Variants in HEATR6 observed in about 807,000 individuals in gnomAD.
HEATR6 encodes HEAT repeat containing 6.
A neutral mutation model predicts 132.8 loss-of-function variants in HEATR6; 106 were observed. That is an observed-to-expected ratio of 0.80 (90% CI 0.68 to 0.94). HEATR6 has a LOEUF of 0.94. HEATR6 is among the 40% of genes least tolerant of loss of function. The pLI, the probability that HEATR6 is intolerant of heterozygous loss-of-function variation, is 0.00. For synonymous variants in HEATR6, 529 were observed against 537.8 expected, an observed-to-expected ratio of 0.98 and a Z score of 0.23; for missense variants, 1,339 against 1,425.1, an observed-to-expected ratio of 0.94 and a Z score of 0.97.
chr17:60,075,040 G>A (rs1273693142), intron 2 of HEATR6, among the ~76,000 whole-genome samples: 1 of 152,206 alleles, frequency 6.6e-6, no homozygotes, highest in Non-Finnish European at 1.5e-5. Flanking sequence ...TTAAAGACTG[G>A]TTTAGAGAGG....
chr17:60,051,372 A>G (rs1906571100), intron 14 of HEATR6, among the ~76,000 whole-genome samples: 1 of 152,246 alleles, frequency 6.6e-6, no homozygotes, highest in African/African-American at 2.4e-5. Flanking sequence ...GGTCTGTAGC[A>G]TTATTCCTAC....
chr17:60,046,626 A>G (rs1192271451), intron 18 of HEATR6, among the ~76,000 whole-genome samples: 1 of 152,100 alleles, frequency 6.6e-6, no homozygotes, highest in African/African-American at 2.4e-5. Flanking sequence ...CATCAGAATC[A>G]TTTGGGGAGG....
rs768237526 is a variant in HEATR6, at chr17:60,050,831, C to T, written c.2424+12G>A. On this transcript the variant is annotated intron_variant, in intron 15 of 19. Coordinates refer to ENST00000184956, the MANE Select transcript of HEATR6 (RefSeq NM_022070.5). ...GCCATGATTTAAGGGTGAGAAAACACCCTCACATTACCGGCAGATTGCTGA... is the reference window on the plus strand; with the variant it reads ...GCCATGATTTAAGGGTGAGAAAACATCCTCACATTACCGGCAGATTGCTGA... 6.2e-7 allele frequency: 1 copy of T among 1,614,012 alleles called. No homozygotes were observed. The highest frequency in any genetic ancestry group is 1.1e-5 in the South Asian group (1 of 91,064).
chr17:60,065,285 G>A (rs146656575), intron 9 of HEATR6, among the ~76,000 whole-genome samples: 2,590 of 152,218 alleles, frequency 0.017, 42 homozygotes, highest in South Asian at 0.032. Context: ...CTTCTGATGG[G>A]TCATCCAGAA....
chr17:60,046,182 C>T lies in HEATR6; in HGVS notation c.2817G>A (p.Leu939=). ...VRALGNLLHF[L]QPSHIEKPTF... Reference sequence around the variant, plus strand: ...TGGGTTTTTCTATATGAGAGGGTTGCAGAAAATGAAGCAAATTTCCAAGGG... The same window carrying T: ...TGGGTTTTTCTATATGAGAGGGTTGTAGAAAATGAAGCAAATTTCCAAGGG... Residue 939 remains leucine, a synonymous_variant, in exon 19 of 20, where the codon CTG becomes CTA. Transcript: ENST00000184956. 1 of 1,613,852 alleles carries T rather than the reference C, an allele frequency of 6.2e-7. No homozygotes were observed. Among genetic ancestry groups the T allele is most frequent in the Non-Finnish European group, 8.5e-7 (1 of 1,179,922 alleles).
At position 60,046,189 on chromosome 17, in the gene HEATR6, T is replaced by C; in HGVS notation, c.2810A>G (p.His937Arg). Residue 937 changes from histidine to arginine, a missense_variant, in exon 19 of 20, where the codon CAT becomes CGT. Transcript: ENST00000184956. Reference sequence around the variant, plus strand: ...TTCTATATGAGAGGGTTGCAGAAAATGAAGCAAATTTCCAAGGGCCCGGAC... The same window carrying C: ...TTCTATATGAGAGGGTTGCAGAAAACGAAGCAAATTTCCAAGGGCCCGGAC... ...NAVRALGNLL[H>R]FLQPSHIEKP... is the part of the protein sequence containing the mutation. The C allele has an allele frequency of 1.9e-6, 3 of 1,613,862 alleles. No individual in the cohort carries two copies. Among genetic ancestry groups the C allele is most frequent in the Non-Finnish European group, 2.5e-6 (3 of 1,179,920 alleles).
At chr17:60,070,525 A>T (rs940759175) in intron 6 of HEATR6, among the ~76,000 whole-genome samples, 181 bp downstream of exon 6, 2 of 152,210 alleles carry the variant, frequency 1.3e-5, no homozygotes, top group Non-Finnish European at 2.9e-5. Flanking sequence ...TATTAAATGG[A>T]GATTTATTTT....
intron 6 of HEATR6, among the ~76,000 whole-genome samples, chr17:60,070,398 T>A (rs1245327197): frequency 6.6e-6 from 1 of 152,176 alleles, no homozygotes; most frequent in African/African-American, 2.4e-5. Context: ...GGAGAAGCAC[T>A]GGCTCTTCTT....
At chr17:60,075,209 G>C (rs1005124732) in intron 2 of HEATR6, among the ~76,000 whole-genome samples, 9 of 152,204 alleles carry the variant, frequency 5.9e-5, no homozygotes, top group Admixed American at 5.9e-4. Flanking sequence ...GGGATGTCCA[G>C]AATTGGCACA....
At chr17:60,058,546 C>G (rs933029340) in intron 11 of HEATR6, among the ~76,000 whole-genome samples, 2 of 152,228 alleles carry the variant, frequency 1.3e-5, no homozygotes, top group Non-Finnish European at 2.9e-5. Flanking sequence ...TAAGACTTAT[C>G]TTTCTGGGTC....
intron 11 of HEATR6, 41 bp downstream of exon 11, chr17:60,059,381 G>T: frequency 8.7e-7 from 1 of 1,153,148 alleles, no homozygotes; most frequent in Non-Finnish European, 1.3e-6. Context: ...GTCTGCATCT[G>T]ACTGATACAA....
In HEATR6 at chr17:60,067,715, G is replaced by A; in HGVS notation, c.957C>T (p.Ser319=). 3.7e-6 allele frequency: 6 copies of A among 1,611,524 alleles called. No individual in the cohort carries two copies. The highest frequency in any genetic ancestry group is 5.1e-6 in the Non-Finnish European group (6 of 1,179,168). ...SRPTLNKKKK[S]KVKPKKIQQG... is the part of the protein sequence containing the mutation. The stretch of plus-strand genomic sequence containing the variant: ...GCTGGATTTTCTTTGGTTTTACTTT[G>A]GATTTTTTCTTTTTATTCTGATTGT... Residue 319 remains serine (S), a synonymous_variant, in exon 8 of 20, where the codon TCC becomes TCT. Transcript: ENST00000184956.
At chr17:60,067,945 A>C (rs1175830352) in intron 7 of HEATR6, among the ~76,000 whole-genome samples, 1 of 152,252 alleles carries the variant, frequency 6.6e-6, no homozygotes, top group African/African-American at 2.4e-5. Flanking sequence ...AGAAAGAAGG[A>C]ATGAAATACA....
chr17:60,041,590 A>G lies in HEATR6; in HGVS notation c.*1973T>C, dbSNP rs1013101135. ...CACTTCATGTTCAGAATTGTCTCCA[A>G]ATAAAAGCAATTTAAGGGAACATTC... is the stretch of plus-strand genomic sequence containing the variant. On this transcript the variant is annotated 3_prime_UTR_variant, in exon 20 of 20. Transcript: ENST00000184956. Among the ~76,000 whole-genome samples, 4 of 152,214 alleles carry G rather than the reference A, an allele frequency of 2.6e-5. No individual in the cohort carries two copies. The highest frequency in any genetic ancestry group is 9.7e-5 in the African/African-American group (4 of 41,446).
At chr17:60,047,820 C>T (rs1052651711) in intron 17 of HEATR6, among the ~76,000 whole-genome samples, 2 of 152,124 alleles carry the variant, frequency 1.3e-5, no homozygotes, top group African/African-American at 2.4e-5. Flanking sequence ...AAGCAGGACA[C>T]GTGCACATGA....
At chr17:60,055,687 T>TCACTCTAGTAACACCTC in intron 13 of HEATR6, 86 bp from the exon 14 acceptor site, 2 of 844,650 alleles carry the variant, frequency 2.4e-6, no homozygotes, top group Non-Finnish European at 3.8e-6. Context: ...AGTAACACCT[T>TCACTCTAGTAACACCTC]CACTCTAGTA....
Position 60,078,769 on chromosome 17 carries a change from C to T in HEATR6, c.146G>A (p.Arg49His). 2 of 1,570,688 alleles carry T rather than the reference C, an allele frequency of 1.3e-6. No homozygotes were observed. Among genetic ancestry groups the T allele is most frequent in the South Asian group, 1.2e-5 (1 of 85,422 alleles). ...ALRPDDSSSA[R>H]TEIHLLFDQL... ...ATCGAAGAGCAGGTGGATCTCGGTG[C>T]GGGCGGAGCTGCTGTCATCCGGGCG... Residue 49 changes from arginine to histidine, a missense_variant, in exon 1 of 20, where the codon CGC becomes CAC. By Grantham distance (29) the Arg-to-His change is conservative. Coordinates refer to ENST00000184956, the MANE Select transcript of HEATR6 (RefSeq NM_022070.5).
chr17:60,055,887 C>G (rs1906727856), intron 13 of HEATR6, among the ~76,000 whole-genome samples: 1 of 152,136 alleles, frequency 6.6e-6, no homozygotes, highest in Non-Finnish European at 1.5e-5. Flanking sequence ...AAATCAACAG[C>G]TATATCTTAT....
At position 60,046,222 on chromosome 17, in the gene HEATR6, C is replaced by T. The variant is rs200308045; in HGVS notation, c.2777G>A (p.Ser926Asn). The T allele has an allele frequency of 7.5e-6, 12 of 1,592,666 alleles. No homozygotes were observed. Among genetic ancestry groups the T allele is most frequent in the East Asian group, 6.7e-5 (3 of 44,676 alleles). The change falls in exon 19 of 20, where the codon AGC becomes AAC. Residue 926 changes from serine (S) to asparagine (N), a missense_variant. Coordinates refer to ENST00000184956, the MANE Select transcript of HEATR6 (RefSeq NM_022070.5). ...ATTTCCAAGGGCCCGGACTGCATTG[C>T]TTTTTACCTAGAAAAAATGTAAATG... Reference protein sequence around the residue: ...EASKDKDKVKSNAVRALGNLL... With the variant: ...EASKDKDKVKNNAVRALGNLL...
Sources: allele counts gnomAD v4.1 joint callset (sites outside exome capture counted in the v4.1 genomes callset), GRCh38; gene constraint gnomAD v4.1.1; transcripts MANE v1.5; gene names NCBI Gene and HGNC (gene_info 2026-07-23, HGNC 2026-07-21).